Variants in VPS26A observed in about 807,000 individuals in gnomAD.
VPS26A encodes the protein vacuolar protein sorting-associated protein 26A.
VPS26A carries 22 observed loss-of-function variants against 42.4 expected under a neutral mutation model. The observed-to-expected ratio is 0.52, with a 90% CI of 0.37 to 0.74. VPS26A has a LOEUF of 0.74. VPS26A is among the 30% of genes least tolerant of loss of function. The probability of loss-of-function intolerance (pLI) is 0.00; values close to 1 mark genes in which losing one functional copy is unlikely to be tolerated. For synonymous variants in VPS26A, 110 were observed against 123.5 expected (o/e 0.89, Z 0.73); for missense variants, 276 against 379.2 (o/e 0.73, Z 2.26).
At chr10:69,132,798 G>C in intron 1 of VPS26A, 100 bp from the exon 2 acceptor site, 1 of 1,162,244 alleles carries the variant, frequency 8.6e-7, no homozygotes, top group Admixed American at 2.7e-5. Flanking sequence ...TCACAGATTT[G>C]CAGTCTATTT....
At chr10:69,125,811 G>A (rs1177076029) in intron 1 of VPS26A, among the ~76,000 whole-genome samples, 1 of 152,136 alleles carries the variant, frequency 6.6e-6, no homozygotes, top group Non-Finnish European at 1.5e-5. Flanking sequence ...AATGCAATGA[G>A]TTGCATTTCT....
At chr10:69,154,172 T>C (rs934896966) in intron 2 of VPS26A, among the ~76,000 whole-genome samples, 2 of 152,158 alleles carry the variant, frequency 1.3e-5, no homozygotes, top group Non-Finnish European at 2.9e-5. Context: ...AGAAAGACAA[T>C]TGAGAAACAA....
At chr10:69,132,263 C>G (rs1187839323) in intron 1 of VPS26A, among the ~76,000 whole-genome samples, 1 of 151,868 alleles carries the variant, frequency 6.6e-6, no homozygotes, top group Non-Finnish European at 1.5e-5. Flanking sequence ...TCTTAGATTT[C>G]TGACATATGT....
At chr10:69,151,268 A>AAAAAAAAAAAAAAAAAC (rs1564680814) in intron 2 of VPS26A, among the ~76,000 whole-genome samples, 49 of 68,834 alleles carry the variant, frequency 7.1e-4, no homozygotes, top group South Asian at 3.0e-3. Flanking sequence ...CCATGTCAAA[A>AAAAAAAAAAAAAAAAAC]AAAAAAAAAA....
At chr10:69,148,469 A>G (rs1174670162) in intron 2 of VPS26A, among the ~76,000 whole-genome samples, 2 of 152,236 alleles carry the variant, frequency 1.3e-5, no homozygotes, top group Non-Finnish European at 2.9e-5. Flanking sequence ...CATATGGACT[A>G]TGACAGCAGT....
At chr10:69,144,418 C>T (rs1288214838) in intron 2 of VPS26A, among the ~76,000 whole-genome samples, 3 of 150,898 alleles carry the variant, frequency 2.0e-5, no homozygotes, top group African/African-American at 4.9e-5. Flanking sequence ...CTAGTCATGC[C>T]GCTCTGGCAC....
intron 2 of VPS26A, among the ~76,000 whole-genome samples, chr10:69,143,254 T>C (rs1009232851): frequency 2.0e-5 from 3 of 152,210 alleles, no homozygotes; most frequent in African/African-American, 7.2e-5. Flanking sequence ...TTTACCGCTG[T>C]CTTGGTAGGT....
At chr10:69,124,850 G>A (rs1280825996) in intron 1 of VPS26A, among the ~76,000 whole-genome samples, 1 of 152,192 alleles carries the variant, frequency 6.6e-6, no homozygotes, top group Middle Eastern at 3.2e-3. Flanking sequence ...TTGGAATGGG[G>A]GATATCTTTA....
At chr10:69,146,724 T>G (rs946472380) in intron 2 of VPS26A, among the ~76,000 whole-genome samples, 7 of 152,228 alleles carry the variant, frequency 4.6e-5, no homozygotes, top group Non-Finnish European at 8.8e-5. Context: ...TCATCCATGT[T>G]ATTGCATGTA....
At chr10:69,145,097 G>A (rs774072794) in intron 2 of VPS26A, among the ~76,000 whole-genome samples, 30 of 151,866 alleles carry the variant, frequency 2.0e-4, no homozygotes, top group Non-Finnish European at 3.8e-4. Flanking sequence ...GTGCAGTGGC[G>A]CCATCTTGGC....
chr10:69,146,515 A>G (rs571568722), intron 2 of VPS26A, among the ~76,000 whole-genome samples: 19 of 152,346 alleles, frequency 1.2e-4, no homozygotes, highest in African/African-American at 4.3e-4. Context: ...CATAGCTACT[A>G]TATTTCCAAA....
chr10:69,169,828 C>T (rs1306565780), intron 8 of VPS26A, among the ~76,000 whole-genome samples: 1 of 151,828 alleles, frequency 6.6e-6, no homozygotes. Context: ...AGGCTGGTCT[C>T]GAACTCCTGA....
At chr10:69,159,533 GA>G (rs1018157288) in intron 5 of VPS26A, among the ~76,000 whole-genome samples, 1 of 152,130 alleles carries the variant, frequency 6.6e-6, no homozygotes, top group East Asian at 1.9e-4. Flanking sequence ...GATATGAATA[GA>G]AAAGAGTCTG....
At position 69,173,573 on chromosome 10, in the gene VPS26A, C is replaced by T. The variant is rs563498994; in HGVS notation, c.*2304C>T. Among the ~76,000 whole-genome samples, 6 of 152,280 alleles carry T rather than the reference C, an allele frequency of 3.9e-5. No individual in the cohort carries two copies. Among genetic ancestry groups the T allele is most frequent in the African/African-American group, 7.2e-5 (3 of 41,556 alleles). Reference sequence around the variant, plus strand: ...TGAAGCCAGCTGGACTTCTGAGTTGCGTGGGGACTTGGAGAACTTTTCTGT... The same window carrying T: ...TGAAGCCAGCTGGACTTCTGAGTTGTGTGGGGACTTGGAGAACTTTTCTGT... On this transcript the variant is annotated 3_prime_UTR_variant, in exon 9 of 9. Coordinates refer to ENST00000263559, the MANE Select transcript of VPS26A (RefSeq NM_004896.5).
intron 2 of VPS26A, among the ~76,000 whole-genome samples, chr10:69,147,626 A>G (rs1382355860): frequency 6.6e-6 from 1 of 152,202 alleles, no homozygotes; most frequent in East Asian, 1.9e-4. Context: ...TTTGCATGTC[A>G]GTATCCAGTT....
At chr10:69,152,584 G>A (rs1275827727) in intron 2 of VPS26A, among the ~76,000 whole-genome samples, 62 of 152,132 alleles carry the variant, frequency 4.1e-4, no homozygotes, top group Admixed American at 4.1e-3. Context: ...GAAGTAATTG[G>A]ACCTCTTTTT....
chr10:69,137,441 T>C (rs1840938980), intron 2 of VPS26A, among the ~76,000 whole-genome samples: 1 of 152,154 alleles, frequency 6.6e-6, no homozygotes, highest in African/African-American at 2.4e-5. Context: ...AGAAATTTCC[T>C]TGTTGTGCTA....
rs1432256930 is a variant in VPS26A at position 69,173,234 on chromosome 10, A to G, written c.*1965A>G. Among the ~76,000 whole-genome samples, 1 of 152,174 alleles carries G rather than the reference A, an allele frequency of 6.6e-6. No individual in the cohort carries two copies. The highest frequency in any genetic ancestry group is 2.4e-5 in the African/African-American group (1 of 41,440). On this transcript the variant is annotated 3_prime_UTR_variant, in exon 9 of 9. Coordinates refer to ENST00000263559, the MANE Select transcript of VPS26A (RefSeq NM_004896.5). ...ACAATGTCTAATCCATTGGTTCTCA[A>G]CCCTGGCTGCATATCAGAATCACCT...
Position 69,130,869 on chromosome 10 carries a change from A to G in VPS26A, c.4-2029A>G, listed in dbSNP as rs115244615. Among the ~76,000 whole-genome samples, 831 of 152,086 alleles carry G rather than the reference A, an allele frequency of 5.5e-3. 8 individuals are homozygous for G. The highest frequency in any genetic ancestry group is 0.019 in the African/African-American group (789 of 41,488). ...CTTGTGTGTAGTTGTATCTCCTCTA[A>G]TTCTATTGCTGTTTGGTGTTCCCAT... On this transcript the variant is annotated intron_variant, in intron 1 of 8. Transcript: ENST00000263559.
Sources: allele counts gnomAD v4.1 joint callset (sites outside exome capture counted in the v4.1 genomes callset), GRCh38; gene constraint gnomAD v4.1.1; transcripts MANE v1.5; gene names NCBI Gene and HGNC (gene_info 2026-07-23, HGNC 2026-07-21).